The following PRR16 variants were observed in gnomAD, a reference collection of about 807,000 sequenced individuals.
PRR16 encodes the protein proline rich 16, also known as protein Largen.
A neutral mutation model predicts 18.2 loss-of-function variants in PRR16; 6 were observed. The observed-to-expected ratio is 0.33, with a 90% CI of 0.18 to 0.65. The LOEUF (loss-of-function observed/expected upper bound fraction) is 0.65, where lower values mean the gene tolerates loss of function less well. Ranked by LOEUF, PRR16 falls within the 30% of genes least tolerant of loss-of-function variation. PRR16 has a pLI of 0.74. For missense variants in PRR16, 412 were observed against 376.6 expected (o/e 1.09, Z -0.78); for synonymous variants, 151 against 147.8 (o/e 1.02, Z -0.16).
the PRR16 span, among the ~76,000 whole-genome samples, chr5:120,700,395 G>A: frequency 2.0e-5 from 3 of 152,062 alleles, no homozygotes; most frequent in African/African-American, 7.2e-5. Context: ...TGCATGATCG[G>A]TCGCCAAGGA....
At chr5:120,592,441 G>A (rs1415086938) in intron 1 of PRR16, among the ~76,000 whole-genome samples, 1 of 152,098 alleles carries the variant, frequency 6.6e-6, no homozygotes, top group East Asian at 1.9e-4. Context: ...TGATTTGACA[G>A]ATAGTGCTTC....
At chr5:120,770,559 A>G in the PRR16 span, among the ~76,000 whole-genome samples, 1 of 152,048 alleles carries the variant, frequency 6.6e-6, no homozygotes, top group South Asian at 2.1e-4. Flanking sequence ...ACAAAGACAT[A>G]AATAGCCAAG....
At chr5:120,737,307 G>GTTTT in the PRR16 span, among the ~76,000 whole-genome samples, 1 of 51,098 alleles carries the variant, frequency 2.0e-5, no homozygotes, top group African/African-American at 6.7e-5. Context: ...AGTTTGTTGA[G>GTTTT]TTTTTTTTTT....
intron 1 of PRR16, among the ~76,000 whole-genome samples, chr5:120,613,122 G>T (rs894870695): frequency 9.9e-5 from 15 of 152,092 alleles, no homozygotes; most frequent in Admixed American, 3.9e-4. Flanking sequence ...GCAAATATTT[G>T]CCCATGAGTT....
At chr5:120,542,103 T>C (rs916249771) in intron 1 of PRR16, among the ~76,000 whole-genome samples, 5 of 152,170 alleles carry the variant, frequency 3.3e-5, no homozygotes, top group African/African-American at 4.8e-5. Context: ...TTTGTGTGTG[T>C]GTTATATTTC....
At chr5:120,531,254 C>T (rs1751541136) in intron 1 of PRR16, among the ~76,000 whole-genome samples, 1 of 152,014 alleles carries the variant, frequency 6.6e-6, no homozygotes, top group African/African-American at 2.4e-5. Context: ...TGATAGGTTG[C>T]CATATTTTCC....
chr5:120,487,826 G>A (rs1323855024), intron 1 of PRR16, among the ~76,000 whole-genome samples: 17 of 152,058 alleles, frequency 1.1e-4, no homozygotes, highest in African/African-American at 4.1e-4. Flanking sequence ...CGTCCCAACA[G>A]TACCGAATTT....
chr5:120,518,100 G>C (rs1289179167), intron 1 of PRR16, among the ~76,000 whole-genome samples: 1 of 152,178 alleles, frequency 6.6e-6, no homozygotes, highest in Non-Finnish European at 1.5e-5. Flanking sequence ...ACCCGGACAT[G>C]TGACTTACCC....
the PRR16 span, among the ~76,000 whole-genome samples, chr5:120,704,165 G>C: frequency 2.0e-5 from 3 of 152,108 alleles, no homozygotes; most frequent in Non-Finnish European, 2.9e-5. Context: ...AAGGGGTATG[G>C]GAAACAAAAA....
chr5:120,646,227 T>C (rs1017863165), intron 1 of PRR16, among the ~76,000 whole-genome samples: 1 of 151,738 alleles, frequency 6.6e-6, no homozygotes, highest in Non-Finnish European at 1.5e-5. Context: ...ACCTTATTTA[T>C]AGAATTTTTG....
chr5:120,540,412 T>G (rs1751873002), intron 1 of PRR16, among the ~76,000 whole-genome samples: 1 of 152,186 alleles, frequency 6.6e-6, no homozygotes, highest in Non-Finnish European at 1.5e-5. Flanking sequence ...CCATCCAGAT[T>G]TCTTTCTCAA....
At chr5:120,787,740 A>G in the PRR16 span, among the ~76,000 whole-genome samples, 1 of 152,078 alleles carries the variant, frequency 6.6e-6, no homozygotes, top group East Asian at 1.9e-4. Flanking sequence ...TGTCTTCGCC[A>G]TGTCTTTACT....
At chr5:120,793,697 T>TAAGTA in the PRR16 span, among the ~76,000 whole-genome samples, 3 of 152,150 alleles carry the variant, frequency 2.0e-5, no homozygotes, top group Non-Finnish European at 4.4e-5. Context: ...TAAAAACAGT[T>TAAGTA]AAGTATGCAG....
chr5:120,501,955 C>CAAA (rs548770948), intron 1 of PRR16, among the ~76,000 whole-genome samples: 14 of 44,076 alleles, frequency 3.2e-4, no homozygotes, highest in East Asian at 1.3e-3. Context: ...TACTCCGTCT[C>CAAA]AAAAAAAAAA....
chr5:120,495,211 T>C (rs1421164584), intron 1 of PRR16, among the ~76,000 whole-genome samples: 1 of 152,120 alleles, frequency 6.6e-6, no homozygotes, highest in African/African-American at 2.4e-5. Flanking sequence ...AACATGATTG[T>C]CTATTTATTT....
chr5:120,643,497 T>G (rs2150126498), intron 1 of PRR16, among the ~76,000 whole-genome samples: 1 of 152,288 alleles, frequency 6.6e-6, no homozygotes, highest in Non-Finnish European at 1.5e-5. Context: ...CATTGTTTTA[T>G]TTTGGTCAAA....
chr5:120,777,153 C>A, the PRR16 span, among the ~76,000 whole-genome samples: 2 of 152,074 alleles, frequency 1.3e-5, no homozygotes, highest in African/African-American at 4.8e-5. Context: ...TTTTCGCAGA[C>A]TTGATGTGAA....
At chr5:120,599,861 T>C (rs1486601016) in intron 1 of PRR16, among the ~76,000 whole-genome samples, 1 of 151,756 alleles carries the variant, frequency 6.6e-6, no homozygotes, top group Non-Finnish European at 1.5e-5. Flanking sequence ...AATTTCCTCT[T>C]TCTGGTTTGT....
chr5:120,588,738 AG>A (rs1753534953), intron 1 of PRR16, among the ~76,000 whole-genome samples: 1 of 151,266 alleles, frequency 6.6e-6, no homozygotes, highest in Non-Finnish European at 1.5e-5. Context: ...CCTTGGTTTT[AG>A]CTTTTTATTG....
Sources: gnomAD v4.1 joint callset for allele counts (sites outside exome capture counted in the v4.1 genomes callset) on GRCh38, gnomAD v4.1.1 for gene constraint, MANE v1.5 for transcripts, NCBI Gene and HGNC (gene_info 2026-07-23, HGNC 2026-07-21) for gene names.